Variants in MS4A13 observed in about 807,000 individuals in gnomAD.
MS4A13 encodes membrane spanning 4-domains A13, also known as membrane-spanning 4-domains subfamily A member 13.
MS4A13 carries 21 observed loss-of-function variants against 18.4 expected under a neutral mutation model. The ratio of observed to expected loss-of-function variants is 1.14; its 90% CI spans 0.81 to 1.64. The LOEUF (loss-of-function observed/expected upper bound fraction) is 1.64, where lower values mean the gene tolerates loss of function less well. Ranked by LOEUF, MS4A13 falls within the 40% of genes most tolerant of loss-of-function variation. The pLI is 0.00. For synonymous variants in MS4A13, 62 were observed against 57.2 expected, an observed-to-expected ratio of 1.08 and a Z score of -0.38; for missense variants, 173 against 176.8, an observed-to-expected ratio of 0.98 and a Z score of 0.12.
intron 6 of MS4A13, among the ~76,000 whole-genome samples, chr11:60,540,292 T>C (rs1249881750): frequency 2.6e-5 from 4 of 151,996 alleles, no homozygotes. Context: ...AAAACGGGAG[T>C]GGGCTAGATT....
intron 3 of MS4A13, among the ~76,000 whole-genome samples, chr11:60,518,565 A>T (rs7934771): frequency 0.75 from 114,395 of 152,038 alleles, 44,892 homozygotes; most frequent in Non-Finnish European, 0.88. Flanking sequence ...ATGAGTCAGT[A>T]CTCATTTTCT....
intron 3 of MS4A13, among the ~76,000 whole-genome samples, chr11:60,522,142 C>G (rs1188165647): frequency 2.0e-5 from 3 of 151,336 alleles, no homozygotes; most frequent in Non-Finnish European, 2.9e-5. Flanking sequence ...ATTATGGAAG[C>G]TACAAGATGA....
At chr11:60,532,600 C>G (rs898040428) in intron 6 of MS4A13, among the ~76,000 whole-genome samples, 1 of 152,088 alleles carries the variant, frequency 6.6e-6, no homozygotes, top group African/African-American at 2.4e-5. Context: ...GGGGGAGGGG[C>G]GCCCGCCATT....
chr11:60,530,302 G>A (rs939178817), intron 6 of MS4A13, among the ~76,000 whole-genome samples: 1 of 152,146 alleles, frequency 6.6e-6, no homozygotes, highest in Non-Finnish European at 1.5e-5. Context: ...ATTATAAAAT[G>A]TCAAGAACTG....
chr11:60,530,063 A>G (rs954893152), intron 6 of MS4A13, among the ~76,000 whole-genome samples: 1 of 152,246 alleles, frequency 6.6e-6, no homozygotes, highest in African/African-American at 2.4e-5. Flanking sequence ...ACAACATCCC[A>G]AAATGCTATA....
intron 3 of MS4A13, among the ~76,000 whole-genome samples, chr11:60,519,799 G>A (rs972590263): frequency 9.9e-5 from 15 of 152,196 alleles, no homozygotes; most frequent in Non-Finnish European, 2.1e-4. Context: ...TGAAATTTAA[G>A]TTAGTGATGG....
At chr11:60,530,228 A>G (rs960523730) in intron 6 of MS4A13, among the ~76,000 whole-genome samples, 6 of 152,234 alleles carry the variant, frequency 3.9e-5, no homozygotes, top group African/African-American at 9.6e-5. Context: ...TAACAAAACA[A>G]TGGCCTCTCC....
At position 60,522,583 on chromosome 11, in the gene MS4A13, A is replaced by G. The variant is rs545055103; in HGVS notation, c.130-1314A>G. 2.0e-5 allele frequency among the ~76,000 whole-genome samples: 3 copies of G among 152,282 alleles called. No individual in the cohort carries two copies. In the South Asian group the frequency reaches 6.2e-4, roughly 32 times the overall value. On this transcript the variant is annotated intron_variant, in intron 3 of 6. Transcript: ENST00000378186. ...CAGCAATTAATCACTAGAAGAAACA[A>G]TGATCTCTAGGAGGTCTCCCACTTT...
At position 60,525,231 on chromosome 11, in the gene MS4A13, A is replaced by T. The variant is rs1359471401; in HGVS notation, c.211A>T (p.Ile71Phe). 1.3e-6 allele frequency: 2 copies of T among 1,566,514 alleles called. No homozygotes were observed. Among genetic ancestry groups the T allele is most frequent in the Admixed American group, 1.7e-5 (1 of 59,568 alleles). The change falls in exon 5 of 7, where the codon ATC becomes TTC. Residue 71 changes from isoleucine to phenylalanine, a missense_variant. Ile to Phe is a conservative substitution (Grantham distance 21, BLOSUM62 0). Transcript: ENST00000378186. ...GATTATAAGTACTTTAATCATAAAC[A>T]TCATCTGCATAATTACTACAATTAC... ...SGIISTLIIN[I>F]ICIITTITAV...
intron 6 of MS4A13, among the ~76,000 whole-genome samples, chr11:60,535,499 C>G (rs2086801765): frequency 7.4e-6 from 1 of 135,488 alleles, no homozygotes. Flanking sequence ...CTGAATAGAC[C>G]AATAACAGGC....
intron 3 of MS4A13, among the ~76,000 whole-genome samples, chr11:60,521,642 G>T (rs965244803): frequency 6.6e-6 from 1 of 152,024 alleles, no homozygotes; most frequent in Non-Finnish European, 1.5e-5. Flanking sequence ...ATCATTATTG[G>T]CATTTTGGTC....
At chr11:60,541,729 A>G (rs535297198) in intron 6 of MS4A13, among the ~76,000 whole-genome samples, 2 of 152,306 alleles carry the variant, frequency 1.3e-5, no homozygotes, top group South Asian at 4.1e-4. Context: ...TTTATGTTCA[A>G]GAAGACTATG....
chr11:60,530,772 G>C (rs1171987571), intron 6 of MS4A13, among the ~76,000 whole-genome samples: 1 of 152,140 alleles, frequency 6.6e-6, no homozygotes, highest in African/African-American at 2.4e-5. Flanking sequence ...GAACCTGATG[G>C]GAGGAAACTG....
chr11:60,533,444 A>T (rs887754956), intron 6 of MS4A13, among the ~76,000 whole-genome samples: 1 of 106,232 alleles, frequency 9.4e-6, no homozygotes, highest in African/African-American at 3.7e-5. Context: ...GAAATGAATG[A>T]AATGAAGCGA....
chr11:60,521,853 ATACCTGAGACTGGGCAATT>A (rs1324873831), intron 3 of MS4A13, among the ~76,000 whole-genome samples: 1 of 152,202 alleles, frequency 6.6e-6, no homozygotes, highest in Non-Finnish European at 1.5e-5. Context: ...TAATAAAGAC[ATACCTGAGACTGGGCAATT>A]TACAAAAGAT....
intron 6 of MS4A13, among the ~76,000 whole-genome samples, chr11:60,539,532 G>T (rs1236105943): frequency 2.0e-5 from 3 of 151,938 alleles, no homozygotes; most frequent in Admixed American, 6.6e-5. Flanking sequence ...TAAAAATGGG[G>T]AGTACCAGAA....
chr11:60,527,867 T>A (rs1288334200), intron 5 of MS4A13, among the ~76,000 whole-genome samples: 1 of 151,992 alleles, frequency 6.6e-6, no homozygotes, highest in Non-Finnish European at 1.5e-5. Context: ...TTAAAAAAAA[T>A]AAGGAATATG....
At chr11:60,543,150 TATC>T (rs2086874329), downstream of MS4A13, among the ~76,000 whole-genome samples, 1 of 152,336 alleles carries the variant, frequency 6.6e-6, no homozygotes. Flanking sequence ...TCTTTCTTCT[TATC>T]ATTGTTTGGA....
intron 6 of MS4A13, among the ~76,000 whole-genome samples, chr11:60,532,159 G>C (rs2086772736): frequency 6.6e-6 from 1 of 152,194 alleles, no homozygotes. Context: ...AGTAAAGTAG[G>C]TTGGAGGAGC....
Sources: gnomAD v4.1 joint callset for allele counts (sites outside exome capture counted in the v4.1 genomes callset) on GRCh38, gnomAD v4.1.1 for gene constraint, MANE v1.5 for transcripts, NCBI Gene and HGNC (gene_info 2026-07-23, HGNC 2026-07-21) for gene names.